Variants in DIP2B observed in about 807,000 individuals in gnomAD.
The protein encoded by DIP2B is DIP2 acetate--CoA ligase B (putative).
DIP2B carries 76 observed loss-of-function variants against 198.0 expected under a neutral mutation model. The observed-to-expected ratio is 0.38, with a 90% CI of 0.32 to 0.46. The LOEUF (loss-of-function observed/expected upper bound fraction) is 0.46. Among genes scored for constraint, DIP2B ranks in the 20% least tolerant of loss-of-function variants. The pLI is 0.99. For synonymous variants in DIP2B, 701 were observed against 739.1 expected (o/e 0.95, Z 0.84); for missense variants, 1,559 against 1,978.4 (o/e 0.79, Z 4.02).
chr12:50,528,622 C>G (rs1958188914), intron 1 of DIP2B, among the ~76,000 whole-genome samples: 1 of 152,036 alleles, frequency 6.6e-6, no homozygotes, highest in African/African-American at 2.4e-5. Flanking sequence ...TTATCTAAAG[C>G]AGGATGATAG....
At chr12:50,510,140 A>G (rs978582204) in intron 1 of DIP2B, among the ~76,000 whole-genome samples, 6 of 152,210 alleles carry the variant, frequency 3.9e-5, no homozygotes, top group East Asian at 1.9e-4. Context: ...TAGAACCCAA[A>G]CTAGTTGTGA....
At chr12:50,706,803 C>A in intron 21 of DIP2B, 138 bp downstream of exon 21, 1 of 840,644 alleles carries the variant, frequency 1.2e-6, no homozygotes, top group Non-Finnish European at 1.7e-6. Flanking sequence ...ATAAGCCTGG[C>A]TTTTTTTTTT....
chr12:50,695,186 G>C, intron 14 of DIP2B, 81 bp from the exon 15 acceptor site: 1 of 1,102,738 alleles, frequency 9.1e-7, no homozygotes, highest in South Asian at 1.4e-5. Context: ...AATTAAAATT[G>C]CTAACAAAAT....
intron 1 of DIP2B, among the ~76,000 whole-genome samples, chr12:50,575,189 C>T (rs1958648127): frequency 6.6e-6 from 1 of 152,124 alleles, no homozygotes; most frequent in Non-Finnish European, 1.5e-5. Flanking sequence ...GACCTCTGTT[C>T]TGAGCTCCAT....
At chr12:50,555,693 A>G (rs1958464332) in intron 1 of DIP2B, among the ~76,000 whole-genome samples, 1 of 151,816 alleles carries the variant, frequency 6.6e-6, no homozygotes, top group Non-Finnish European at 1.5e-5. Flanking sequence ...CATCTTTAAT[A>G]CTTACTTTTT....
chr12:50,529,414 A>G (rs913935493), intron 1 of DIP2B, among the ~76,000 whole-genome samples: 1 of 152,200 alleles, frequency 6.6e-6, no homozygotes, highest in Non-Finnish European at 1.5e-5. Context: ...GTATTCTGGG[A>G]AGGACTGTCC....
At chr12:50,534,059 C>T (rs1231424616) in intron 1 of DIP2B, among the ~76,000 whole-genome samples, 1 of 152,110 alleles carries the variant, frequency 6.6e-6, no homozygotes, top group Non-Finnish European at 1.5e-5. Context: ...AAGCCATCTC[C>T]TTACTCTAAC....
intron 1 of DIP2B, among the ~76,000 whole-genome samples, chr12:50,540,769 C>T (rs1593592554): frequency 6.6e-6 from 1 of 151,654 alleles, no homozygotes; most frequent in South Asian, 2.1e-4. Flanking sequence ...GATCTCCTGA[C>T]CTCGTGATCC....
intron 7 of DIP2B, among the ~76,000 whole-genome samples, chr12:50,678,175 T>C (rs926388841): frequency 6.6e-6 from 1 of 151,450 alleles, no homozygotes; most frequent in African/African-American, 2.4e-5. Flanking sequence ...CCCTGAGGTA[T>C]AACTGTTACT....
intron 36 of DIP2B, 51 bp from the exon 37 acceptor site, chr12:50,741,365 T>A (rs147896919): frequency 6.3e-6 from 10 of 1,593,114 alleles, no homozygotes; most frequent in Middle Eastern, 1.7e-4. Flanking sequence ...CAGTGTTATG[T>A]TGCACTCAGT....
intron 1 of DIP2B, among the ~76,000 whole-genome samples, chr12:50,612,230 G>A (rs183684138): frequency 1.3e-5 from 2 of 152,224 alleles, no homozygotes; most frequent in East Asian, 1.9e-4. Context: ...CTGGGCCACA[G>A]AGTGAGACCC....
At chr12:50,660,804 A>C (rs1470242082) in intron 4 of DIP2B, among the ~76,000 whole-genome samples, 2 of 152,204 alleles carry the variant, frequency 1.3e-5, no homozygotes, top group African/African-American at 4.8e-5. Context: ...AATCATGCAA[A>C]GTTGTGATGG....
intron 15 of DIP2B, 126 bp from the exon 16 acceptor site, chr12:50,695,722 A>G (rs1454804507): frequency 1.6e-5 from 21 of 1,350,668 alleles, no homozygotes; most frequent in Non-Finnish European, 5.1e-6. Flanking sequence ...TCTCTTTGAA[A>G]CCGTTTTTAT....
chr12:50,576,354 A>G (rs890973921), intron 1 of DIP2B, among the ~76,000 whole-genome samples: 1 of 135,488 alleles, frequency 7.4e-6, no homozygotes, highest in Non-Finnish European at 1.5e-5. Context: ...GATGTGAGCC[A>G]CTGCACCCAG....
chr12:50,635,029 A>G (rs1938133169), intron 2 of DIP2B, among the ~76,000 whole-genome samples: 1 of 152,214 alleles, frequency 6.6e-6, no homozygotes, highest in Non-Finnish European at 1.5e-5. Context: ...GGCTGTGCAG[A>G]GTATATCAAT....
At chr12:50,505,696 G>A (rs1246721663) in intron 1 of DIP2B, among the ~76,000 whole-genome samples, 1 of 152,014 alleles carries the variant, frequency 6.6e-6, no homozygotes, top group Non-Finnish European at 1.5e-5. Flanking sequence ...TGGGAAATCC[G>A]CAGCATCATT....
chr12:50,738,460 T>A (rs1309978053), intron 35 of DIP2B, among the ~76,000 whole-genome samples: 1 of 152,104 alleles, frequency 6.6e-6, no homozygotes, highest in Non-Finnish European at 1.5e-5. Flanking sequence ...CTGGGCAACA[T>A]AGCAAAGACC....
intron 10 of DIP2B, among the ~76,000 whole-genome samples, chr12:50,684,181 C>T (rs1939093419): frequency 6.6e-6 from 1 of 152,156 alleles, no homozygotes; most frequent in African/African-American, 2.4e-5. Flanking sequence ...TATAAAGAAT[C>T]CCACTCTTGC....
chr12:50,568,680 CTCT>C (rs1340775891), intron 1 of DIP2B, among the ~76,000 whole-genome samples: 10 of 152,308 alleles, frequency 6.6e-5, no homozygotes, highest in African/African-American at 1.9e-4. Context: ...TGTTTATTTA[CTCT>C]TCTTCTTCCT....
Sources: allele counts gnomAD v4.1 joint callset (sites outside exome capture counted in the v4.1 genomes callset), GRCh38; gene constraint gnomAD v4.1.1; transcripts MANE v1.5; gene names NCBI Gene and HGNC (gene_info 2026-07-23, HGNC 2026-07-21).